Variants in LUC7L2 observed in about 807,000 individuals in gnomAD.
LUC7L2 encodes putative RNA-binding protein Luc7-like 2.
A neutral mutation model predicts 52.8 loss-of-function variants in LUC7L2; 25 were observed. The ratio of observed to expected loss-of-function variants is 0.47; its 90% CI spans 0.34 to 0.66. LUC7L2 has a LOEUF of 0.66. Ranked by LOEUF, LUC7L2 falls within the 30% of genes least tolerant of loss-of-function variation. The pLI is 0.01. For missense variants in LUC7L2, 328 were observed against 497.8 expected, an observed-to-expected ratio of 0.66 and a Z score of 3.25; for synonymous variants, 144 against 160.9, an observed-to-expected ratio of 0.89 and a Z score of 0.80.
intron 4 of LUC7L2, 21 bp from the exon 5 acceptor site, chr7:139,405,620 ATCT>A (rs757858133): frequency 4.1e-5 from 64 of 1,570,780 alleles, no homozygotes; most frequent in Admixed American, 1.0e-4. Flanking sequence ...TTTATTCATG[ATCT>A]TCTTTTTTAT....
intron 1 of LUC7L2, among the ~76,000 whole-genome samples, chr7:139,365,253 C>G (rs1479930875): frequency 6.6e-6 from 1 of 152,176 alleles, no homozygotes; most frequent in African/African-American, 2.4e-5. Flanking sequence ...AACATTGCAT[C>G]GTTCCTGGAT....
rs978167223 is a variant in LUC7L2, at chr7:139,370,725, G to A, written c.62-5337G>A. ...CTGCCTTGCCCACCCAAAGTGCTGG[G>A]ATTACAGGCATGAGCCACTGTGCCC... On this transcript the variant is annotated intron_variant, in intron 1 of 9. Transcript: ENST00000354926. Among the ~76,000 whole-genome samples the A allele has an allele frequency of 4.6e-5, 7 of 152,198 alleles. No homozygotes were observed. In the South Asian group the frequency reaches 1.0e-3, roughly 23 times the overall value.
chr7:139,374,136 A>G (rs1289232254), intron 1 of LUC7L2, among the ~76,000 whole-genome samples: 1 of 152,184 alleles, frequency 6.6e-6, no homozygotes. Flanking sequence ...TTAAAGAAAT[A>G]ATTTTTTAAA....
chr7:139,405,367 C>G (rs1795074866), intron 4 of LUC7L2, among the ~76,000 whole-genome samples: 1 of 152,122 alleles, frequency 6.6e-6, no homozygotes, highest in Non-Finnish European at 1.5e-5. Context: ...AGGGCCAGAT[C>G]ATGGAAGAAA....
intron 2 of LUC7L2, among the ~76,000 whole-genome samples, chr7:139,378,746 A>AT (rs991674083): frequency 2.0e-5 from 3 of 152,224 alleles, no homozygotes; most frequent in African/African-American, 7.2e-5. Flanking sequence ...TAGCTCTGTA[A>AT]TTATAAGCTA....
At chr7:139,415,929 T>C (rs901603894) in intron 8 of LUC7L2, among the ~76,000 whole-genome samples, 1 of 151,512 alleles carries the variant, frequency 6.6e-6, no homozygotes, top group Non-Finnish European at 1.5e-5. Context: ...ATAAACTGTA[T>C]TTGTAAACTA....
At chr7:139,407,581 C>CACCG (rs1795180622) in intron 6 of LUC7L2, among the ~76,000 whole-genome samples, 1 of 152,066 alleles carries the variant, frequency 6.6e-6, no homozygotes, top group Non-Finnish European at 1.5e-5. Context: ...TTAGATATGA[C>CACCG]ACCGAGTTAG....
intron 2 of LUC7L2, among the ~76,000 whole-genome samples, chr7:139,381,506 A>G (rs1264962405): frequency 6.7e-6 from 1 of 148,576 alleles, no homozygotes; most frequent in Non-Finnish European, 1.5e-5. Context: ...GCCTCCTGGG[A>G]TCAAGCAAGT....
intron 4 of LUC7L2, among the ~76,000 whole-genome samples, chr7:139,402,549 CAG>C (rs769776368): frequency 3.1e-4 from 47 of 152,160 alleles, no homozygotes; most frequent in Non-Finnish European, 4.7e-4. Context: ...TTGTTTGAGA[CAG>C]AGTTTTGCTG....
chr7:139,392,458 C>CTA (rs1469945110), intron 2 of LUC7L2: 2 of 410,452 alleles, frequency 4.9e-6, no homozygotes, highest in African/African-American at 2.1e-5. Context: ...TGCTGTGGAG[C>CTA]TATAAGTTAC....
chr7:139,359,519 A>C (rs1279320732), upstream of LUC7L2: 4 of 232,832 alleles, frequency 1.7e-5, no homozygotes, highest in Middle Eastern at 1.3e-3. Flanking sequence ...CTCAGACGCC[A>C]AGGAGGCTGA....
intron 2 of LUC7L2, among the ~76,000 whole-genome samples, chr7:139,391,047 T>C (rs75529615): frequency 2.6e-5 from 4 of 152,256 alleles, no homozygotes; most frequent in African/African-American, 9.6e-5. Flanking sequence ...TGAATTTTTT[T>C]CACTTGTCTT....
intron 1 of LUC7L2, among the ~76,000 whole-genome samples, chr7:139,343,395 G>A (rs185735791): frequency 1.1e-3 from 167 of 152,322 alleles, no homozygotes; most frequent in African/African-American, 3.8e-3. Context: ...GCAACATAGT[G>A]TAGTGAGACT....
chr7:139,350,367 C>T (rs956817160), intron 1 of LUC7L2, among the ~76,000 whole-genome samples: 4 of 152,104 alleles, frequency 2.6e-5, no homozygotes, highest in African/African-American at 7.2e-5. Flanking sequence ...ATGATCCACC[C>T]GCCTCGACCT....
At chr7:139,404,052 G>A (rs1585121613) in intron 4 of LUC7L2, among the ~76,000 whole-genome samples, 1 of 152,322 alleles carries the variant, frequency 6.6e-6, no homozygotes, top group Middle Eastern at 3.4e-3. Context: ...GTCATTCAAT[G>A]ATACATTTAA....
chr7:139,388,579 G>T (rs998013064), intron 2 of LUC7L2, among the ~76,000 whole-genome samples: 2 of 151,328 alleles, frequency 1.3e-5, no homozygotes, highest in African/African-American at 4.9e-5. Context: ...CTATGGGGAG[G>T]AATATGTATA....
At chr7:139,345,365 A>G in intron 1 of LUC7L2, 1 of 1,323,296 alleles carries the variant, frequency 7.6e-7, no homozygotes, top group Non-Finnish European at 1.0e-6. Context: ...TATTAAGTAT[A>G]CATGTATATA....
chr7:139,360,473 C>A lies in LUC7L2; in HGVS notation c.61+151C>A. 3 of 653,960 alleles carry A rather than the reference C, an allele frequency of 4.6e-6. No individual in the cohort carries two copies. In the South Asian group the frequency reaches 6.0e-5, roughly 13 times the overall value. 40.5% of individuals were successfully genotyped at this position (653,960 alleles called of 1,614,324 possible). ...GTCCCCGTCCCCCGTCCCATCCAAT[C>A]AGGGCTCGGCAGGCGGGCAGGGGGG... On this transcript the variant is annotated intron_variant, in intron 1 of 9. Coordinates refer to ENST00000354926, the MANE Select transcript of LUC7L2 (RefSeq NM_016019.5).
chr7:139,421,556 A>G (rs917125759), intron 9 of LUC7L2, among the ~76,000 whole-genome samples: 2 of 152,228 alleles, frequency 1.3e-5, no homozygotes, highest in African/African-American at 4.8e-5. Context: ...TGTTGGTTGA[A>G]TAAGCTAACT....
Sources: allele counts gnomAD v4.1 joint callset (sites outside exome capture counted in the v4.1 genomes callset), GRCh38; gene constraint gnomAD v4.1.1; transcripts MANE v1.5; gene names NCBI Gene and HGNC (gene_info 2026-07-23, HGNC 2026-07-21).